GMDS: variants seen among roughly 807,000 people sequenced by gnomAD.
The protein encoded by GMDS is GDP-mannose 4,6 dehydratase.
A neutral mutation model predicts 49.9 loss-of-function variants in GMDS; 20 were observed. The ratio of observed to expected loss-of-function variants is 0.40; its 90% CI spans 0.28 to 0.58. The LOEUF (loss-of-function observed/expected upper bound fraction) is 0.58, where lower values mean the gene tolerates loss of function less well. GMDS is among the 20% of genes least tolerant of loss of function. GMDS has a pLI of 0.42. For missense variants in GMDS, 362 were observed against 481.4 expected, an observed-to-expected ratio of 0.75 and a Z score of 2.32; for synonymous variants, 177 against 178.6, an observed-to-expected ratio of 0.99 and a Z score of 0.07.
chr6:1,677,161 C>T (rs1425408080), intron 9 of GMDS, among the ~76,000 whole-genome samples: 2 of 152,092 alleles, frequency 1.3e-5, no homozygotes, highest in African/African-American at 2.4e-5. Context: ...TTTATGCAGC[C>T]GACAGACACA....
intron 1 of GMDS, among the ~76,000 whole-genome samples, chr6:2,134,647 T>G (rs1442430090): frequency 6.6e-6 from 1 of 152,226 alleles, no homozygotes; most frequent in Non-Finnish European, 1.5e-5. Flanking sequence ...AATACTTAAA[T>G]GTCTAACAAC....
intron 1 of GMDS, among the ~76,000 whole-genome samples, chr6:2,176,902 C>A (rs1396226768): frequency 6.6e-6 from 1 of 152,080 alleles, no homozygotes; most frequent in African/African-American, 2.4e-5. Flanking sequence ...ATGTGGCCAT[C>A]AAGGCAAGCA....
At chr6:1,965,295 T>G (rs796878175) in intron 4 of GMDS, among the ~76,000 whole-genome samples, 214 of 152,278 alleles carry the variant, frequency 1.4e-3, no homozygotes, top group African/African-American at 5.0e-3. Flanking sequence ...AGACTAAAGA[T>G]AGTAAATAAG....
chr6:1,959,648 A>C (rs897016747), intron 6 of GMDS: 12 of 352,834 alleles, frequency 3.4e-5, no homozygotes, highest in Non-Finnish European at 5.6e-5. Context: ...AACACTGTCC[A>C]GTTTTTAATG....
At chr6:2,138,496 G>GA (rs1196978433) in intron 1 of GMDS, among the ~76,000 whole-genome samples, 2 of 152,128 alleles carry the variant, frequency 1.3e-5, no homozygotes, top group Admixed American at 1.3e-4. Flanking sequence ...TAAACTTAAT[G>GA]AACATTTGAT....
intron 6 of GMDS, among the ~76,000 whole-genome samples, chr6:1,938,987 C>T (rs983989369): frequency 4.5e-5 from 6 of 132,444 alleles, no homozygotes; most frequent in African/African-American, 1.7e-4. Flanking sequence ...CCCCTCCTCT[C>T]TCCTCTCCTC....
At chr6:1,879,536 T>C (rs1252036571) in intron 7 of GMDS, among the ~76,000 whole-genome samples, 1 of 152,082 alleles carries the variant, frequency 6.6e-6, no homozygotes, top group Non-Finnish European at 1.5e-5. Flanking sequence ...AAACTAAATA[T>C]TTCTTGAAGA....
chr6:1,979,640 G>A (rs542471086), intron 4 of GMDS, among the ~76,000 whole-genome samples: 48 of 152,328 alleles, frequency 3.2e-4, no homozygotes, highest in Middle Eastern at 3.4e-3. Flanking sequence ...TCATCTAGGA[G>A]AACTTCCTCA....
intron 9 of GMDS, among the ~76,000 whole-genome samples, chr6:1,700,774 C>T (rs1765515407): frequency 6.6e-6 from 1 of 152,146 alleles, no homozygotes; most frequent in Non-Finnish European, 1.5e-5. Flanking sequence ...TCGGGCCCAG[C>T]ACTGGGACCT....
chr6:2,064,778 G>A (rs993699067), intron 4 of GMDS, among the ~76,000 whole-genome samples: 11 of 152,160 alleles, frequency 7.2e-5, no homozygotes, highest in East Asian at 5.8e-4. Context: ...GGCTGATTTC[G>A]TATGAGCTGA....
At chr6:1,650,487 C>G (rs1408416573) in intron 9 of GMDS, among the ~76,000 whole-genome samples, 1 of 152,190 alleles carries the variant, frequency 6.6e-6, no homozygotes, top group African/African-American at 2.4e-5. Context: ...TCACTCAAAG[C>G]CTTCTCCTAC....
At chr6:1,763,138 G>C (rs1263399973) in intron 7 of GMDS, among the ~76,000 whole-genome samples, 2 of 152,192 alleles carry the variant, frequency 1.3e-5, no homozygotes, top group Non-Finnish European at 2.9e-5. Flanking sequence ...AGGTGGGTGA[G>C]GCTGACTGGT....
At chr6:2,042,574 C>T (rs1769752466) in intron 4 of GMDS, among the ~76,000 whole-genome samples, 1 of 152,116 alleles carries the variant, frequency 6.6e-6, no homozygotes, top group Non-Finnish European at 1.5e-5. Context: ...ATTGACAGTC[C>T]AATTTTTAAA....
intron 1 of GMDS, among the ~76,000 whole-genome samples, chr6:2,221,684 G>A (rs1264424357): frequency 2.0e-5 from 3 of 152,104 alleles, no homozygotes; most frequent in Admixed American, 6.5e-5. Flanking sequence ...CACCATGCCC[G>A]GCCTTAAAAT....
intron 9 of GMDS, among the ~76,000 whole-genome samples, chr6:1,669,917 C>CAAAAAAA (rs66490758): frequency 4.4e-5 from 2 of 45,222 alleles, no homozygotes; most frequent in African/African-American, 9.6e-5. Context: ...GACTCCATCT[C>CAAAAAAA]AAAAAAAAAA....
At chr6:2,020,742 A>G (rs775605034) in intron 4 of GMDS, among the ~76,000 whole-genome samples, 6 of 152,122 alleles carry the variant, frequency 3.9e-5, no homozygotes, top group Non-Finnish European at 8.8e-5. Flanking sequence ...TTAATAGTCA[A>G]AATAAACACT....
chr6:2,046,500 C>T (rs970731518), intron 4 of GMDS, among the ~76,000 whole-genome samples: 4 of 152,158 alleles, frequency 2.6e-5, no homozygotes, highest in African/African-American at 7.2e-5. Flanking sequence ...CACTCTGTCA[C>T]CTAGGTTGGA....
At chr6:1,831,072 A>T (rs1420335821) in intron 7 of GMDS, among the ~76,000 whole-genome samples, 1 of 152,278 alleles carries the variant, frequency 6.6e-6, no homozygotes, top group Non-Finnish European at 1.5e-5. Context: ...AGAATGATCC[A>T]GCAGAGTTAT....
intron 7 of GMDS, among the ~76,000 whole-genome samples, chr6:1,767,414 CA>C (rs1768401686): frequency 6.6e-6 from 1 of 152,134 alleles, no homozygotes; most frequent in Non-Finnish European, 1.5e-5. Flanking sequence ...GATGGCCAAG[CA>C]AAGTCAAGTT....
Sources: gnomAD v4.1 joint callset for allele counts (sites outside exome capture counted in the v4.1 genomes callset) on GRCh38, gnomAD v4.1.1 for gene constraint, MANE v1.5 for transcripts, NCBI Gene and HGNC (gene_info 2026-07-23, HGNC 2026-07-21) for gene names.